PPP1R9A: variants seen among roughly 807,000 people sequenced by gnomAD.
The protein encoded by PPP1R9A is protein phosphatase 1 regulatory subunit 9A.
In PPP1R9A, 59 loss-of-function variants were observed where a neutral mutation model predicts 141.9. That is an observed-to-expected ratio of 0.42 (90% confidence interval 0.34 to 0.52). The LOEUF (loss-of-function observed/expected upper bound fraction) is 0.52. PPP1R9A is among the 20% of genes least tolerant of loss of function. The pLI is 0.10. For missense variants in PPP1R9A, 1,444 were observed against 1,611.9 expected, an observed-to-expected ratio of 0.90 and a Z score of 1.78; for synonymous variants, 500 against 569.7, an observed-to-expected ratio of 0.88 and a Z score of 1.74.
At chr7:94,974,149 A>C (rs1340508979) in intron 2 of PPP1R9A, among the ~76,000 whole-genome samples, 1 of 152,194 alleles carries the variant, frequency 6.6e-6, no homozygotes, top group Admixed American at 6.5e-5. Context: ...GCATGAGTTA[A>C]GGATGAATCT....
chr7:95,183,448 C>CTTT lies in PPP1R9A; in HGVS notation c.1755-14883_1755-14881dup, dbSNP rs766642929. Among the ~76,000 whole-genome samples the CTTT allele has an allele frequency of 3.0e-3, 304 of 102,982 alleles. 7 individuals carry two copies. Among genetic ancestry groups the CTTT allele is most frequent in the Non-Finnish European group, 4.2e-3 (228 of 53,920 alleles). The allele number at this position is 102,982 out of a possible 152,430, so 67.6% of individuals were successfully genotyped here. A position where few individuals can be genotyped will look rare whatever the true frequency, so the allele number is the denominator to read the frequency against. On this transcript the variant is annotated intron_variant, in intron 5 of 19. Transcript: ENST00000433360. The stretch of plus-strand genomic sequence containing the variant: ...AGTCACCCTTCCTGGCAAAAATATT[C>CTTT]TTTTTTTTTTTTTTTTTTTTGAGAC...
chr7:95,147,977 C>T (rs957751659), intron 4 of PPP1R9A, among the ~76,000 whole-genome samples: 1 of 151,920 alleles, frequency 6.6e-6, no homozygotes. Context: ...TGTGAAGAGT[C>T]ATTTTTTAGA....
chr7:95,068,473 GAAAAAAAAAAA>G (rs36043693), intron 2 of PPP1R9A, among the ~76,000 whole-genome samples: 1 of 94,214 alleles, frequency 1.1e-5, no homozygotes, highest in Non-Finnish European at 1.9e-5. Flanking sequence ...CTTGTCTCAA[GAAAAAAAAAAA>G]AAAAAAAAAA....
chr7:94,908,105 G>GCCCGACCCTCCCCGCCCGCGGCGCT (rs1357687164), intron 1 of PPP1R9A: 1 of 150,530 alleles, frequency 6.6e-6, no homozygotes, highest in African/African-American at 2.4e-5. Flanking sequence ...AGCCGCGGCG[G>GCCCGACCCTCCCCGCCCGCGGCGCT]CCCGACCCTC....
chr7:95,232,869 A>G (rs1796168342), intron 8 of PPP1R9A, among the ~76,000 whole-genome samples: 1 of 152,210 alleles, frequency 6.6e-6, no homozygotes, highest in Admixed American at 6.5e-5. Context: ...TCAGGAAACA[A>G]CAGATGCTGG....
At chr7:95,240,207 A>G (rs1797250630) in intron 8 of PPP1R9A, among the ~76,000 whole-genome samples, 1 of 152,098 alleles carries the variant, frequency 6.6e-6, no homozygotes, top group Admixed American at 6.6e-5. Flanking sequence ...TATTGTTTTA[A>G]GAGTGTTTTA....
intron 7 of PPP1R9A, among the ~76,000 whole-genome samples, chr7:95,220,127 A>G (rs1794194511): frequency 6.6e-6 from 1 of 152,144 alleles, no homozygotes; most frequent in African/African-American, 2.4e-5. Context: ...TAAAATTAGG[A>G]CACACAGGAG....
intron 2 of PPP1R9A, among the ~76,000 whole-genome samples, chr7:94,978,513 G>A (rs1799728195): frequency 6.6e-6 from 1 of 152,052 alleles, no homozygotes; most frequent in African/African-American, 2.4e-5. Flanking sequence ...TCCTTTTCTT[G>A]GAGGCTGCTT....
At position 95,040,753 on chromosome 7, in the gene PPP1R9A, T is replaced by C. The variant is rs569157334; in HGVS notation, c.1396-70506T>C. ...TTCATTCTCTGAAGAAATTGTTTAA[T>C]CTACTCTCGAATTTTAGTTACTGGC... On this transcript the variant is annotated intron_variant, in intron 2 of 19. Coordinates refer to ENST00000433360, the MANE Select transcript of PPP1R9A (RefSeq NM_001166160.2). 2.0e-5 allele frequency among the ~76,000 whole-genome samples: 3 copies of C among 152,322 alleles called. No homozygotes were observed. The East Asian group carries it at 5.8e-4, about 29-fold the overall frequency.
chr7:95,166,035 G>C (rs977389851), intron 5 of PPP1R9A, among the ~76,000 whole-genome samples: 10 of 151,524 alleles, frequency 6.6e-5, no homozygotes, highest in Non-Finnish European at 1.5e-4. Flanking sequence ...TGTAATCCCA[G>C]CTACTTGGGA....
intron 2 of PPP1R9A, among the ~76,000 whole-genome samples, chr7:94,929,270 A>G (rs897627192): frequency 5.9e-5 from 9 of 152,134 alleles, no homozygotes; most frequent in Non-Finnish European, 1.3e-4. Context: ...CGCTTGGGAG[A>G]GACGGACACG....
chr7:95,278,223 C>T (rs922364032), intron 16 of PPP1R9A, among the ~76,000 whole-genome samples: 4 of 152,126 alleles, frequency 2.6e-5, no homozygotes, highest in African/African-American at 4.8e-5. Flanking sequence ...TTCACCTCTG[C>T]GTACACTGTC....
At chr7:95,261,147 T>C (rs574767076) in intron 12 of PPP1R9A, among the ~76,000 whole-genome samples, 1 of 152,168 alleles carries the variant, frequency 6.6e-6, no homozygotes, top group African/African-American at 2.4e-5. Context: ...GGCTCCTACA[T>C]TGTTTTCAAG....
chr7:94,979,906 A>T (rs1038234842), intron 2 of PPP1R9A, among the ~76,000 whole-genome samples: 1 of 147,760 alleles, frequency 6.8e-6, no homozygotes, highest in African/African-American at 2.6e-5. Flanking sequence ...TGTTAAAGGT[A>T]TTTTTTTTTG....
chr7:95,049,161 CATAGGAGTATGT>C (rs1810442740), intron 2 of PPP1R9A, among the ~76,000 whole-genome samples: 1 of 152,146 alleles, frequency 6.6e-6, no homozygotes, highest in Admixed American at 6.6e-5. Flanking sequence ...AAGAGATATG[CATAGGAGTATGT>C]AGAAGGTCAC....
chr7:95,250,385 T>A (rs1798706606), intron 10 of PPP1R9A, 130 bp downstream of exon 10: 2 of 781,356 alleles, frequency 2.6e-6, no homozygotes, highest in East Asian at 5.5e-5. Flanking sequence ...GGAGCATAGT[T>A]ACAGCATAAA....
chr7:95,034,005 C>T (rs990948614), intron 2 of PPP1R9A, among the ~76,000 whole-genome samples: 6 of 151,964 alleles, frequency 3.9e-5, no homozygotes, highest in South Asian at 4.1e-4. Context: ...TGGCCTTTTG[C>T]GTTTGCATAT....
At chr7:95,043,335 C>T (rs976174219) in intron 2 of PPP1R9A, among the ~76,000 whole-genome samples, 1 of 152,158 alleles carries the variant, frequency 6.6e-6, no homozygotes. Context: ...TCACTAAATA[C>T]CCTTGCTTGT....
intron 14 of PPP1R9A, among the ~76,000 whole-genome samples, chr7:95,273,339 C>A (rs1294992042): frequency 1.3e-5 from 2 of 152,302 alleles, no homozygotes; most frequent in South Asian, 2.1e-4. Context: ...CCATGTCCTC[C>A]CCTCCTCTGT....
Sources: gnomAD v4.1 joint callset for allele counts (sites outside exome capture counted in the v4.1 genomes callset) on GRCh38, gnomAD v4.1.1 for gene constraint, MANE v1.5 for transcripts, NCBI Gene and HGNC (gene_info 2026-07-23, HGNC 2026-07-21) for gene names.